Variants in ADAM20 observed in about 807,000 individuals in gnomAD.
The protein encoded by ADAM20 is disintegrin and metalloproteinase domain-containing protein 20.
For synonymous variants in ADAM20, 305 were observed against 310.2 expected (o/e 0.98, Z 0.18); for missense variants, 871 against 883.2 (o/e 0.99, Z 0.18).
chr14:70,544,126 C>A, the ADAM20 span, among the ~76,000 whole-genome samples: 13 of 151,880 alleles, frequency 8.6e-5, no homozygotes, highest in Non-Finnish European at 1.6e-4. Flanking sequence ...GACATTTCAA[C>A]CCCGCCATAA....
At chr14:70,567,877 C>A in the ADAM20 span, among the ~76,000 whole-genome samples, 9 of 152,126 alleles carry the variant, frequency 5.9e-5, no homozygotes, top group African/African-American at 2.2e-4. Context: ...GGCATTCCTG[C>A]TGACTCAGGA....
upstream of ADAM20, among the ~76,000 whole-genome samples, chr14:70,535,623 C>T (rs1000129176): frequency 6.6e-6 from 1 of 152,134 alleles, no homozygotes; most frequent in African/African-American, 2.4e-5. Context: ...CTAGACTCCT[C>T]AAGACATACT....
chr14:70,535,934 G>C (rs1413625693), upstream of ADAM20, among the ~76,000 whole-genome samples: 2 of 152,090 alleles, frequency 1.3e-5, no homozygotes, highest in African/African-American at 2.4e-5. Flanking sequence ...AGGATAAATA[G>C]AAAACTTCAA....
chr14:70,563,293 G>T, the ADAM20 span, among the ~76,000 whole-genome samples: 1 of 152,050 alleles, frequency 6.6e-6, no homozygotes, highest in Non-Finnish European at 1.5e-5. Flanking sequence ...AAAGGAAAAG[G>T]TTTGCTATAT....
chr14:70,559,339 C>T, the ADAM20 span, among the ~76,000 whole-genome samples: 5,122 of 151,400 alleles, frequency 0.034, 292 homozygotes, highest in African/African-American at 0.12. Flanking sequence ...ACCACACAAC[C>T]GATCTGTCAG....
the ADAM20 span, among the ~76,000 whole-genome samples, chr14:70,556,052 T>C: frequency 6.6e-6 from 1 of 152,186 alleles, no homozygotes; most frequent in African/African-American, 2.4e-5. Context: ...CCCACTTTCC[T>C]AGCAGTCACC....
the ADAM20 span, among the ~76,000 whole-genome samples, chr14:70,575,427 C>T: frequency 1.3e-5 from 2 of 151,884 alleles, no homozygotes; most frequent in African/African-American, 4.8e-5. Flanking sequence ...TATGGTGAAA[C>T]CCTGTGTCTG....
chr14:70,523,439 G>A lies in ADAM20; in HGVS notation c.1319C>T (p.Thr440Ile), dbSNP rs749751906. ...AGCACAAGCAGCCCCAGGATGTAGAGTACAGTTTAACAGACAACAGGGATC... is the reference window on the plus strand; with the variant it reads ...AGCACAAGCAGCCCCAGGATGTAGAATACAGTTTAACAGACAACAGGGATC... Reference protein sequence around the residue: ...AKDPCCLLNCTLHPGAACAFG... With the variant: ...AKDPCCLLNCILHPGAACAFG... Residue 440 changes from threonine (T) to isoleucine (I), a missense_variant, in exon 2 of 2, where the codon ACT becomes ATT. By Grantham distance (89) the Thr-to-Ile change is moderately conservative (BLOSUM62 -1). Transcript: ENST00000256389. 2 of 1,613,892 alleles carry A rather than the reference G, an allele frequency of 1.2e-6. No homozygotes were observed. Among genetic ancestry groups the A allele is most frequent in the South Asian group, 1.1e-5 (1 of 91,080 alleles).
the ADAM20 span, among the ~76,000 whole-genome samples, chr14:70,564,736 ATTTTTTTTTTTT>A: frequency 1.1e-5 from 1 of 91,850 alleles, no homozygotes; most frequent in Non-Finnish European, 2.2e-5. Flanking sequence ...GATAGACGCA[ATTTTTTTTTTTT>A]TTTTTTTTTT....
At chr14:70,556,947 AAC>A in the ADAM20 span, 1 of 152,310 alleles carries the variant, frequency 6.6e-6, no homozygotes, top group South Asian at 2.1e-4. Context: ...TAAAATATGC[AAC>A]AGTCACAATA....
chr14:70,572,303 C>A, the ADAM20 span, among the ~76,000 whole-genome samples: 1 of 152,214 alleles, frequency 6.6e-6, no homozygotes, highest in Non-Finnish European at 1.5e-5. Context: ...CACACCTCTA[C>A]AACCATCTGA....
the ADAM20 span, among the ~76,000 whole-genome samples, chr14:70,573,102 G>A: frequency 6.6e-6 from 1 of 152,116 alleles, no homozygotes; most frequent in African/African-American, 2.4e-5. Context: ...TAAAGGAAAT[G>A]AAATCATTTT....
At chr14:70,556,782 G>C in the ADAM20 span, 2 of 152,150 alleles carry the variant, frequency 1.3e-5, no homozygotes, top group Non-Finnish European at 2.9e-5. Flanking sequence ...GTATACACAG[G>C]TTCTGCAGGG....
chr14:70,537,659 G>A (rs12587714), upstream of ADAM20, among the ~76,000 whole-genome samples: 1 of 151,966 alleles, frequency 6.6e-6, no homozygotes, highest in Non-Finnish European at 1.5e-5. Context: ...AGACACCCTC[G>A]GCTTCTTCTT....
the ADAM20 span, among the ~76,000 whole-genome samples, chr14:70,565,664 T>C: frequency 1.3e-5 from 2 of 152,108 alleles, no homozygotes; most frequent in African/African-American, 4.8e-5. Context: ...AGCAACTGTA[T>C]AGCAAAACAA....
At chr14:70,560,556 C>T in the ADAM20 span, among the ~76,000 whole-genome samples, 1 of 152,010 alleles carries the variant, frequency 6.6e-6, no homozygotes, top group Non-Finnish European at 1.5e-5. Flanking sequence ...AATCAGAAAA[C>T]ATATGGTTTA....
intron 1 of ADAM20, among the ~76,000 whole-genome samples, chr14:70,525,874 C>A (rs147064343): frequency 2.0e-5 from 3 of 152,124 alleles, no homozygotes; most frequent in East Asian, 3.9e-4. Flanking sequence ...GGGAGTGAGG[C>A]AGCTGTTTTG....
rs74934565 is a variant in ADAM20, at chr14:70,526,942, C to T, written c.-176-2009G>A. On this transcript the variant is annotated intron_variant, in intron 1 of 1. Coordinates refer to ENST00000256389, the MANE Select transcript of ADAM20 (RefSeq NM_003814.5). ...TGTAAATCAATGTAGTGGGCCACAA[C>T]CAAAGGAAACACAATTGTGTTGAAA... Among the ~76,000 whole-genome samples, 1,411 of 152,226 alleles carry T rather than the reference C, an allele frequency of 9.3e-3. 25 individuals are homozygous for T. The highest frequency in any genetic ancestry group is 0.032 in the African/African-American group (1,321 of 41,540).
At chr14:70,528,729 T>G (rs2139536106) in intron 1 of ADAM20, among the ~76,000 whole-genome samples, 1 of 152,238 alleles carries the variant, frequency 6.6e-6, no homozygotes, top group South Asian at 2.1e-4. Flanking sequence ...CAGTAGATGA[T>G]GCTATCAAGA....
Sources: allele counts gnomAD v4.1 joint callset (sites outside exome capture counted in the v4.1 genomes callset), GRCh38; gene constraint gnomAD v4.1.1; transcripts MANE v1.5; gene names NCBI Gene and HGNC (gene_info 2026-07-23, HGNC 2026-07-21).